The following LRP1B variants were observed in gnomAD, a reference collection of about 807,000 sequenced individuals.
LRP1B encodes low-density lipoprotein receptor-related protein 1B.
LRP1B carries 217 observed loss-of-function variants against 556.6 expected under a neutral mutation model. The ratio of observed to expected loss-of-function variants is 0.39; its 90% CI spans 0.35 to 0.44. LRP1B has a LOEUF of 0.44. LRP1B is among the 20% of genes least tolerant of loss of function. The probability of loss-of-function intolerance (pLI) is 1.00; values close to 1 mark genes in which losing one functional copy is unlikely to be tolerated. For missense variants in LRP1B, 5,053 were observed against 5,620.8 expected, an observed-to-expected ratio of 0.90 and a Z score of 3.23; for synonymous variants, 2,047 against 1,865.8, an observed-to-expected ratio of 1.10 and a Z score of -2.50.
intron 2 of LRP1B, among the ~76,000 whole-genome samples, chr2:141,750,531 G>A (rs910279494): frequency 6.6e-6 from 1 of 152,078 alleles, no homozygotes; most frequent in African/African-American, 2.4e-5. Flanking sequence ...AGCCTTTCAA[G>A]CATTAGTCAG....
intron 3 of LRP1B, among the ~76,000 whole-genome samples, chr2:141,331,503 C>CTTTCTTTCTT (rs1687646341): frequency 5.0e-5 from 2 of 39,880 alleles, no homozygotes; most frequent in African/African-American, 3.8e-4. Flanking sequence ...TCTTTCTTTC[C>CTTTCTTTCTT]TTCTTTCTTT....
intron 2 of LRP1B, among the ~76,000 whole-genome samples, chr2:141,765,207 T>C (rs1694697006): frequency 6.6e-6 from 1 of 152,240 alleles, no homozygotes; most frequent in South Asian, 2.1e-4. Flanking sequence ...ACAGTGTAAA[T>C]GGTTAATAAT....
intron 1 of LRP1B, among the ~76,000 whole-genome samples, chr2:142,056,769 A>G (rs986285117): frequency 6.6e-6 from 1 of 152,132 alleles, no homozygotes; most frequent in African/African-American, 2.4e-5. Context: ...TAATTTAATA[A>G]AAATTAATAT....
At position 141,346,634 on chromosome 2, in the gene LRP1B, C is replaced by A. The variant is rs139795065; in HGVS notation, c.344-91993G>T. On this transcript the variant is annotated intron_variant, in intron 3 of 90. Coordinates refer to ENST00000389484, the MANE Select transcript of LRP1B (RefSeq NM_018557.3). ...TTTTTTCCTTGTCACAGAATATGAC[C>A]CTTGACGGTTGGGGCAACTGAGGAG... Among the ~76,000 whole-genome samples, 389 of 152,136 alleles carry A rather than the reference C, an allele frequency of 2.6e-3. 1 individual carries two copies. The highest frequency in any genetic ancestry group is 8.9e-3 in the African/African-American group (369 of 41,512).
intron 3 of LRP1B, among the ~76,000 whole-genome samples, chr2:141,382,907 A>C (rs1318799679): frequency 6.6e-6 from 1 of 152,204 alleles, no homozygotes; most frequent in Non-Finnish European, 1.5e-5. Context: ...TTTGCCTAGC[A>C]AAGGAAAAAG....
chr2:140,615,852 A>C (rs1168991952), intron 41 of LRP1B, among the ~76,000 whole-genome samples: 1 of 152,070 alleles, frequency 6.6e-6, no homozygotes, highest in Non-Finnish European at 1.5e-5. Flanking sequence ...AACTATCTGT[A>C]AATTCCTTAA....
intron 11 of LRP1B, among the ~76,000 whole-genome samples, chr2:141,021,751 T>C (rs867737858): frequency 6.6e-6 from 1 of 151,980 alleles, no homozygotes; most frequent in South Asian, 2.1e-4. Context: ...CAATGCTGTA[T>C]GGATGAAACT....
At chr2:142,009,607 A>G (rs1574589167) in intron 1 of LRP1B, among the ~76,000 whole-genome samples, 1 of 152,216 alleles carries the variant, frequency 6.6e-6, no homozygotes, top group Non-Finnish European at 1.5e-5. Context: ...CTGGAAGCAC[A>G]CGCCGATATA....
intron 2 of LRP1B, among the ~76,000 whole-genome samples, chr2:141,771,647 C>A (rs1250330281): frequency 6.6e-6 from 1 of 151,898 alleles, no homozygotes; most frequent in Non-Finnish European, 1.5e-5. Context: ...TGTTTGTGTC[C>A]CCTCAACAGT....
At chr2:140,934,559 A>G (rs988492430) in intron 20 of LRP1B, among the ~76,000 whole-genome samples, 2 of 152,214 alleles carry the variant, frequency 1.3e-5, no homozygotes, top group East Asian at 3.9e-4. Context: ...CTCTTAGCAC[A>G]GTCACACCTA....
intron 1 of LRP1B, among the ~76,000 whole-genome samples, chr2:141,931,178 T>G (rs1700493197): frequency 6.6e-6 from 1 of 152,082 alleles, no homozygotes; most frequent in East Asian, 1.9e-4. Context: ...TAATTTGCTA[T>G]GTATCAAGTA....
chr2:140,247,660 A>C (rs1342717443), intron 86 of LRP1B, among the ~76,000 whole-genome samples: 1 of 151,662 alleles, frequency 6.6e-6, no homozygotes, highest in Non-Finnish European at 1.5e-5. Context: ...GAGATAACAA[A>C]ATACAGAGCT....
At chr2:141,592,610 A>G (rs570773647) in intron 2 of LRP1B, among the ~76,000 whole-genome samples, 2 of 152,290 alleles carry the variant, frequency 1.3e-5, no homozygotes, top group Non-Finnish European at 2.9e-5. Flanking sequence ...GACACAGAAG[A>G]TATGAAAGTA....
chr2:141,069,420 G>A (rs999210441), intron 7 of LRP1B, among the ~76,000 whole-genome samples: 4 of 151,944 alleles, frequency 2.6e-5, no homozygotes, highest in African/African-American at 9.7e-5. Flanking sequence ...AATGTCTAAT[G>A]TAGTTTGAAA....
In LRP1B at chr2:140,323,968, A is replaced by C. The variant is rs541877634; in HGVS notation, c.12439T>G (p.Ser4147Ala). 723 of 1,604,386 alleles carry C rather than the reference A, an allele frequency of 4.5e-4. 8 individuals carry two copies. In the South Asian group the frequency reaches 7.6e-3, roughly 17 times the overall value. Residue 4147 changes from serine (S) to alanine (A), a missense_variant, in exon 81 of 91, where the codon TCA (serine) becomes GCA (alanine). Ser to Ala is a moderately conservative substitution (Grantham distance 99). This residue lies in a region of LRP1B where 551 missense variants were observed against 592.0 expected (regional missense o/e 0.93). Transcript: ENST00000389484. ...ATATTTAAAGCTAAGTACTCTACTG[A>C]ACCATGGCCAAATTTTTGAACTCGA... The part of the protein sequence containing the change: ...VFRVQKFGHG[S>A]VEYLALNIDK...
Position 140,262,423 on chromosome 2 carries a change from G to A in LRP1B, c.13247+7819C>T, listed in dbSNP as rs554598444. Among the ~76,000 whole-genome samples, 3 of 152,244 alleles carry A rather than the reference G, an allele frequency of 2.0e-5. No individual in the cohort carries two copies. The South Asian group carries it at 6.2e-4, about 32-fold the overall frequency. On this transcript the variant is annotated intron_variant, in intron 86 of 90. Coordinates refer to ENST00000389484, the MANE Select transcript of LRP1B (RefSeq NM_018557.3). ...TACATACTAGTATCATCATCTTAAAGAGGAAGAAACTAAGGTTTGGAGAGG... is the reference window on the plus strand; with the variant it reads ...TACATACTAGTATCATCATCTTAAAAAGGAAGAAACTAAGGTTTGGAGAGG...
chr2:140,646,414 A>G lies in LRP1B; in HGVS notation c.6800-44775T>C, dbSNP rs562709886. Among the ~76,000 whole-genome samples, 7 of 152,296 alleles carry G rather than the reference A, an allele frequency of 4.6e-5. No individual in the cohort carries two copies. In the East Asian group the frequency reaches 7.7e-4, roughly 17 times the overall value. On this transcript the variant is annotated intron_variant, in intron 41 of 90. Coordinates refer to ENST00000389484, the MANE Select transcript of LRP1B (RefSeq NM_018557.3). ...GATCATTTCCCATCCTCCTAATTTC[A>G]TGTTGTACTAGGTACTATTAACTTA... is the stretch of plus-strand genomic sequence containing the variant.
intron 1 of LRP1B, among the ~76,000 whole-genome samples, chr2:141,883,015 T>A (rs1163203663): frequency 6.6e-6 from 1 of 152,150 alleles, no homozygotes. Flanking sequence ...ATCTTCCTTA[T>A]GGTTAAATTA....
intron 7 of LRP1B, among the ~76,000 whole-genome samples, chr2:141,184,973 C>G (rs1681176849): frequency 6.6e-6 from 1 of 151,678 alleles, no homozygotes; most frequent in Non-Finnish European, 1.5e-5. Flanking sequence ...AGAAAGAGAA[C>G]AAGGTTGAAA....
Sources: gnomAD v4.1 joint callset for allele counts (sites outside exome capture counted in the v4.1 genomes callset) on GRCh38, gnomAD v4.1.1 for gene constraint, gnomAD v4.1.1 regional missense constraint, MANE v1.5 for transcripts, NCBI Gene and HGNC (gene_info 2026-07-23, HGNC 2026-07-21) for gene names.